Variants in KIZ observed in about 807,000 individuals in gnomAD.
The protein encoded by KIZ is centrosomal protein kizuna.
KIZ carries 68 observed loss-of-function variants against 79.6 expected under a neutral mutation model. The ratio of observed to expected loss-of-function variants is 0.85; its 90% CI spans 0.70 to 1.05. The LOEUF is 1.05. KIZ is among the 50% of genes least tolerant of loss of function. The probability of loss-of-function intolerance (pLI) is 0.00; values close to 1 mark genes in which losing one functional copy is unlikely to be tolerated. For synonymous variants in KIZ, 280 were observed against 281.8 expected, an observed-to-expected ratio of 0.99 and a Z score of 0.06; for missense variants, 797 against 800.4, an observed-to-expected ratio of 1.00 and a Z score of 0.05.
At chr20:21,240,716 G>A (rs535973834) in intron 11 of KIZ, among the ~76,000 whole-genome samples, 79 of 140,514 alleles carry the variant, frequency 5.6e-4, no homozygotes, top group African/African-American at 1.9e-3. Context: ...CATACGGCCC[G>A]CAAGCTAAGA....
At chr20:21,173,913 A>C (rs1356598527) in intron 6 of KIZ, among the ~76,000 whole-genome samples, 7 of 152,214 alleles carry the variant, frequency 4.6e-5, no homozygotes. Context: ...CATGGGCCTA[A>C]GAAGAACACT....
At chr20:21,160,349 C>T (rs1026520736) in intron 4 of KIZ, among the ~76,000 whole-genome samples, 2 of 152,164 alleles carry the variant, frequency 1.3e-5, no homozygotes, top group African/African-American at 4.8e-5. Flanking sequence ...TTAAACTCAC[C>T]AGTTAAAACT....
chr20:21,169,365 A>C (rs2034100929), intron 6 of KIZ, among the ~76,000 whole-genome samples: 1 of 152,124 alleles, frequency 6.6e-6, no homozygotes, highest in African/African-American at 2.4e-5. Flanking sequence ...AATGCAAATC[A>C]AAACCACAAT....
At chr20:21,208,325 C>T (rs75528172) in intron 7 of KIZ, among the ~76,000 whole-genome samples, 3,173 of 152,276 alleles carry the variant, frequency 0.021, 96 homozygotes, top group African/African-American at 0.067. Context: ...CCTAATAGAT[C>T]TTTGTTCCTT....
At chr20:21,142,676 C>T (rs2032624280) in intron 3 of KIZ, among the ~76,000 whole-genome samples, 2 of 152,060 alleles carry the variant, frequency 1.3e-5, no homozygotes, top group South Asian at 4.2e-4. Flanking sequence ...GCTCTAGTCC[C>T]AGCTATTTGC....
chr20:21,162,043 C>G lies in KIZ; in HGVS notation c.578C>G (p.Ser193Ter). ...AACTTTTCAATTCCTGACCCACATT[C>G]ACACCGACAGACAGCCCAGAGCAGT... ...TKNFSIPDPH[S>*]HRQTAQSSNV... is the part of the protein sequence containing the mutation. The change falls in exon 5 of 13, where the codon TCA becomes TGA. Residue 193 changes from serine to a stop codon, truncating the protein, a stop_gained. Transcript: ENST00000619189. LOFTEE classifies it high-confidence loss of function. 6.2e-7 allele frequency: 1 copy of G among 1,613,960 alleles called. No homozygotes were observed. The highest frequency in any genetic ancestry group is 2.2e-5 in the East Asian group (1 of 44,878).
At chr20:21,226,953 G>A (rs1232723744) in intron 9 of KIZ, among the ~76,000 whole-genome samples, 2 of 152,174 alleles carry the variant, frequency 1.3e-5, no homozygotes, top group African/African-American at 4.8e-5. Context: ...GCCATCTCAG[G>A]ATGGGTGGTT....
chr20:21,215,174 C>T (rs1319113749), intron 8 of KIZ, among the ~76,000 whole-genome samples: 2 of 152,238 alleles, frequency 1.3e-5, no homozygotes, highest in Non-Finnish European at 2.9e-5. Flanking sequence ...CCATTTTGAG[C>T]ACCCAGAAAC....
chr20:21,199,272 C>G lies in KIZ; in HGVS notation c.1353-6219C>G, dbSNP rs139938019. ...GGTTGTGTTTTACATGACTATTGATCTACAGTTATGTGTAAATCAGTCTTC... is the reference window on the plus strand; with the variant it reads ...GGTTGTGTTTTACATGACTATTGATGTACAGTTATGTGTAAATCAGTCTTC... On this transcript the variant is annotated intron_variant, in intron 6 of 12. Transcript: ENST00000619189. Among the ~76,000 whole-genome samples the G allele has an allele frequency of 1.9e-4, 29 of 152,300 alleles. 1 individual carries two copies. The East Asian group carries it at 5.6e-3, about 29-fold the overall frequency.
intron 6 of KIZ, chr20:21,196,973 C>T (rs950218973): frequency 6.6e-6 from 1 of 152,244 alleles, no homozygotes; most frequent in African/African-American, 2.4e-5. Flanking sequence ...GTGCTATTTA[C>T]AAATTAGTAC....
chr20:21,167,414 C>T (rs1040546079), intron 6 of KIZ, among the ~76,000 whole-genome samples: 1 of 152,086 alleles, frequency 6.6e-6, no homozygotes, highest in African/African-American at 2.4e-5. Flanking sequence ...CCCCTTATAC[C>T]TTCACCATCT....
chr20:21,145,692 G>T, intron 4 of KIZ, 38 bp downstream of exon 4: 1 of 824,586 alleles, frequency 1.2e-6, no homozygotes, highest in South Asian at 1.9e-5. Context: ...GTTAACAGAG[G>T]AATTCTGGAG....
rs768568062 is a variant in KIZ, at chr20:21,136,485, G to T, written c.248G>T (p.Arg83Leu). 2 of 1,599,092 alleles carry T rather than the reference G, an allele frequency of 1.3e-6. No homozygotes were observed. Among genetic ancestry groups the T allele is most frequent in the Non-Finnish European group, 1.7e-6 (2 of 1,171,012 alleles). ...AHTRNQEYLK[R>L]FERVQAHVVH... is the part of the protein sequence containing the mutation. ...ACTCGAAACCAAGAATATTTAAAGC[G>T]ATTTGAGCGTGTCCAAGCTCATGTT... is the stretch of plus-strand genomic sequence containing the variant. Residue 83 changes from arginine (R) to leucine (L), a missense_variant, in exon 3 of 13, where the codon CGA (arginine) becomes CTA (leucine). Coordinates refer to ENST00000619189, the MANE Select transcript of KIZ (RefSeq NM_018474.6).
At position 21,152,262 on chromosome 20, in the gene KIZ, C is replaced by G. The variant is rs2033156923; in HGVS notation, c.405+6608C>G. Among the ~76,000 whole-genome samples the G allele has an allele frequency of 2.0e-5, 3 of 152,102 alleles. 1 individual carries two copies. In the South Asian group the frequency reaches 6.2e-4, roughly 32 times the overall value. On this transcript the variant is annotated intron_variant, in intron 4 of 12. Coordinates refer to ENST00000619189, the MANE Select transcript of KIZ (RefSeq NM_018474.6). Reference sequence around the variant, plus strand: ...TTCTTTACATCCCTTTGCCTTATGTCTCATTTCTATAATTTAATAATTTTT... The same window carrying G: ...TTCTTTACATCCCTTTGCCTTATGTGTCATTTCTATAATTTAATAATTTTT...
At chr20:21,149,635 T>A (rs4815023) in intron 4 of KIZ, among the ~76,000 whole-genome samples, 151,662 of 152,304 alleles carry the variant, frequency 1, 75,513 homozygotes, top group Middle Eastern at 1. Context: ...GAGGCACACG[T>A]CAGAGAAGAC....
At position 21,237,379 on chromosome 20, in the gene KIZ, T is replaced by C. The variant is rs374540679; in HGVS notation, c.1880+4549T>C. 1.3e-3 allele frequency among the ~76,000 whole-genome samples: 202 copies of C among 151,746 alleles called. 2 individuals carry two copies. Among genetic ancestry groups the C allele is most frequent in the African/African-American group, 4.6e-3 (190 of 41,340 alleles). ...TTACTAACATTAGGTTTTCCCTCTG[T>C]TCTTTCCTCCAAATTCCACCCCCTG... is the stretch of plus-strand genomic sequence containing the variant. On this transcript the variant is annotated intron_variant, in intron 11 of 12. Coordinates refer to ENST00000619189, the MANE Select transcript of KIZ (RefSeq NM_018474.6).
chr20:21,172,917 G>A (rs2034274621), intron 6 of KIZ, among the ~76,000 whole-genome samples: 1 of 152,174 alleles, frequency 6.6e-6, no homozygotes, highest in Admixed American at 6.5e-5. Context: ...CTAGGCAAAG[G>A]GAACCACAGT....
intron 3 of KIZ, chr20:21,139,120 A>T: frequency 2.3e-5 from 3 of 130,890 alleles, no homozygotes; most frequent in South Asian, 2.5e-4. Flanking sequence ...GTGAATTTCT[A>T]TTTACTAGTA....
chr20:21,205,189 T>A, intron 6 of KIZ, among the ~76,000 whole-genome samples: 1 of 152,316 alleles, frequency 6.6e-6, no homozygotes, highest in East Asian at 1.9e-4. Flanking sequence ...GGCCAAGCCA[T>A]ACCCCAGACC....
Sources: gnomAD v4.1 joint callset for allele counts (sites outside exome capture counted in the v4.1 genomes callset) on GRCh38, gnomAD v4.1.1 for gene constraint, MANE v1.5 for transcripts, NCBI Gene and HGNC (gene_info 2026-07-23, HGNC 2026-07-21) for gene names.